Variants in PLIN2 observed in about 807,000 individuals in gnomAD.
The protein encoded by PLIN2 is perilipin 2, also known as perilipin-2.
A neutral mutation model predicts 30.6 loss-of-function variants in PLIN2; 33 were observed. The ratio of observed to expected loss-of-function variants is 1.08; its 90% CI spans 0.82 to 1.44. The LOEUF is 1.44. Ranked by LOEUF, PLIN2 falls within the 40% of genes most tolerant of loss-of-function variation. The pLI is 0.00. For synonymous variants in PLIN2, 205 were observed against 201.1 expected (o/e 1.02, Z -0.16); for missense variants, 610 against 531.8 (o/e 1.15, Z -1.45).
downstream of PLIN2, among the ~76,000 whole-genome samples, chr9:19,112,420 G>A (rs1184718987): frequency 1.3e-5 from 2 of 152,120 alleles, no homozygotes; most frequent in South Asian, 2.1e-4. Context: ...CAAGATGTGA[G>A]AACACAGGCC....
At position 19,126,277 on chromosome 9, in the gene PLIN2, C is replaced by T; in HGVS notation, c.63G>A (p.Leu21=). Residue 21 remains leucine (L), a synonymous_variant, in exon 3 of 8, where the codon TTG becomes TTA. Coordinates refer to ENST00000276914, the MANE Select transcript of PLIN2 (RefSeq NM_001122.4). ...ACATGAGGTCATACGTGGAGCTCAC[C>T]AAGGGCAGGTTGACCACCCGAGTCA... The part of the protein sequence containing the change: ...SVVTRVVNLP[L]VSSTYDLMSS... 6.2e-7 allele frequency: 1 copy of T among 1,613,946 alleles called. No homozygotes were observed.
downstream of PLIN2, among the ~76,000 whole-genome samples, chr9:19,112,075 T>G (rs529039938): frequency 2.3e-3 from 357 of 152,316 alleles, no homozygotes; most frequent in South Asian, 0.023. Flanking sequence ...ACCCCCATCC[T>G]CAACACTCAC....
chr9:19,125,237 C>A (rs1818377419), intron 3 of PLIN2, among the ~76,000 whole-genome samples: 1 of 152,206 alleles, frequency 6.6e-6, no homozygotes, highest in African/African-American at 2.4e-5. Flanking sequence ...CATTATACAA[C>A]CATCACCACT....
intron 7 of PLIN2, among the ~76,000 whole-genome samples, chr9:19,116,946 G>C (rs906093857): frequency 6.6e-6 from 1 of 152,094 alleles, no homozygotes; most frequent in Non-Finnish European, 1.5e-5. Flanking sequence ...AGGTAGGGGA[G>C]ACCCAAAAGA....
chr9:19,110,516 C>G (rs912467279), intron 2 of PLIN2, among the ~76,000 whole-genome samples: 5 of 152,094 alleles, frequency 3.3e-5, no homozygotes, highest in Non-Finnish European at 5.9e-5. Context: ...CTCATTGTCA[C>G]CCAGGCTGGA....
chr9:19,113,011 T>C (rs1329461295), downstream of PLIN2, among the ~76,000 whole-genome samples: 1 of 151,940 alleles, frequency 6.6e-6, no homozygotes, highest in Non-Finnish European at 1.5e-5. Flanking sequence ...ACTATAACTC[T>C]TATAATAGGG....
intron 7 of PLIN2, among the ~76,000 whole-genome samples, chr9:19,117,509 C>G (rs946349474): frequency 1.3e-5 from 2 of 152,018 alleles, no homozygotes; most frequent in Non-Finnish European, 2.9e-5. Context: ...TGCCCTTTCA[C>G]CTAGTTTATT....
At chr9:19,110,974 C>A (rs1403402925), downstream of PLIN2, among the ~76,000 whole-genome samples, 1 of 152,188 alleles carries the variant, frequency 6.6e-6, no homozygotes, top group Non-Finnish European at 1.5e-5. Context: ...GAATCTCAGG[C>A]AATTCTGTCT....
chr9:19,112,110 C>T (rs1818167284), downstream of PLIN2, among the ~76,000 whole-genome samples: 1 of 152,180 alleles, frequency 6.6e-6, no homozygotes, highest in Admixed American at 6.6e-5. Flanking sequence ...GCAACATTAA[C>T]TTAATAGATG....
chr9:19,122,749 C>T (rs147015655), intron 4 of PLIN2, among the ~76,000 whole-genome samples: 48 of 152,242 alleles, frequency 3.2e-4, no homozygotes, highest in Middle Eastern at 3.4e-3. Context: ...TAACCCTAAC[C>T]CTCTTGTGAA....
At chr9:19,115,368 C>T (rs1213814501), downstream of PLIN2, among the ~76,000 whole-genome samples, 1 of 149,296 alleles carries the variant, frequency 6.7e-6, no homozygotes, top group Non-Finnish European at 1.5e-5. Flanking sequence ...AGCGCAGTGG[C>T]GCTATCTCGG....
exon 3 of PLIN2, chr9:19,108,505 T>C (rs1210456156): frequency 6.6e-6 from 1 of 152,574 alleles, no homozygotes; most frequent in Non-Finnish European, 1.5e-5. Context: ...AAGACCAATG[T>C]AGCCAAAAAA....
exon 3 of PLIN2, chr9:19,108,688 T>C (rs1195903521): frequency 6.6e-6 from 1 of 152,666 alleles, no homozygotes; most frequent in East Asian, 1.9e-4. Context: ...CTTCCAAAGC[T>C]ATAATATCTG....
chr9:19,111,979 C>T (rs1181116332), downstream of PLIN2, among the ~76,000 whole-genome samples: 4 of 152,152 alleles, frequency 2.6e-5, no homozygotes, highest in African/African-American at 9.7e-5. Flanking sequence ...TATATACTCA[C>T]ACCTTGAACT....
chr9:19,116,177 G>A lies in PLIN2; in HGVS notation c.*71C>T. ...TTGCTTCCCAATTTAGGGTTGCCTA[G>A]CAAGTTAATTTCAACATAACAAAAG... is the stretch of plus-strand genomic sequence containing the variant. On this transcript the variant is annotated 3_prime_UTR_variant, in exon 8 of 8. Transcript: ENST00000276914. 1 of 1,434,318 alleles carries A rather than the reference G, an allele frequency of 7.0e-7. No homozygotes were observed. The highest frequency in any genetic ancestry group is 9.4e-7 in the Non-Finnish European group (1 of 1,069,196). The allele number at this position is 1,434,318 out of a possible 1,614,324, so 88.8% of individuals were successfully genotyped here.
chr9:19,125,590 G>C (rs1159004206), intron 3 of PLIN2: 2 of 152,756 alleles, frequency 1.3e-5, no homozygotes, highest in East Asian at 3.9e-4. Flanking sequence ...CCATCCTCTG[G>C]GGGATTTTTA....
intron 6 of PLIN2, among the ~76,000 whole-genome samples, chr9:19,118,722 CA>C (rs1389968450): frequency 6.6e-6 from 1 of 152,102 alleles, no homozygotes; most frequent in African/African-American, 2.4e-5. Context: ...TAAAAAACTA[CA>C]AAAAATTTTT....
chr9:19,125,352 T>A (rs1403198248), intron 3 of PLIN2, among the ~76,000 whole-genome samples: 1 of 151,828 alleles, frequency 6.6e-6, no homozygotes, highest in Non-Finnish European at 1.5e-5. Context: ...CAGGAGTTCC[T>A]GACCAGCCTG....
At chr9:19,123,702 C>T in intron 3 of PLIN2, 55 bp from the exon 4 acceptor site, 2 of 1,458,532 alleles carry the variant, frequency 1.4e-6, no homozygotes, top group East Asian at 2.3e-5. Context: ...AGAATGAACA[C>T]ACATTACCAT....
Sources: gnomAD v4.1 joint callset for allele counts (sites outside exome capture counted in the v4.1 genomes callset) on GRCh38, gnomAD v4.1.1 for gene constraint, MANE v1.5 for transcripts, NCBI Gene and HGNC (gene_info 2026-07-23, HGNC 2026-07-21) for gene names.